The following SLC6A16 variants were observed in gnomAD, a reference collection of about 807,000 sequenced individuals.
SLC6A16 encodes orphan sodium- and chloride-dependent neurotransmitter transporter NTT5.
A neutral mutation model predicts 65.4 loss-of-function variants in SLC6A16; 54 were observed. The ratio of observed to expected loss-of-function variants is 0.83; its 90% CI spans 0.66 to 1.04. The LOEUF is 1.04. Ranked by LOEUF, SLC6A16 falls within the 50% of genes least tolerant of loss-of-function variation. The pLI, the probability that SLC6A16 is intolerant of heterozygous loss-of-function variation, is 0.00. For missense variants in SLC6A16, 816 were observed against 914.0 expected, an observed-to-expected ratio of 0.89 and a Z score of 1.38; for synonymous variants, 330 against 346.5, an observed-to-expected ratio of 0.95 and a Z score of 0.53.
chr19:49,313,085 A>AAAAAAAAAAAAAAAAAAAAAAAAAAC lies in SLC6A16; in HGVS notation c.-64-1675_-64-1674insGTTTTTTTTTTTTTTTTTTTTTTTTT, dbSNP rs1970554051. Reference sequence around the variant, plus strand: ...GCAACCCTGTCTCAAAAAAAAAAAAAAAAAAAAAAAGACGATGATGGCTAC... The same window carrying AAAAAAAAAAAAAAAAAAAAAAAAAAC: ...GCAACCCTGTCTCAAAAAAAAAAAAAAAAAAAAAAAAAAAAAAAAAAAAAACAAAAAAAAAAGACGATGATGGCTAC... On this transcript the variant is annotated intron_variant, in intron 1 of 11. Coordinates refer to ENST00000335875, the MANE Select transcript of SLC6A16 (RefSeq NM_014037.3). Among the ~76,000 whole-genome samples, 2 of 151,708 alleles carry AAAAAAAAAAAAAAAAAAAAAAAAAAC rather than the reference A, an allele frequency of 1.3e-5. 1 individual carries two copies. The highest frequency in any genetic ancestry group is 4.8e-5 in the African/African-American group (2 of 41,250).
At chr19:49,338,048 G>T in the SLC6A16 span, 2 of 1,611,676 alleles carry the variant, frequency 1.2e-6, no homozygotes, top group Non-Finnish European at 1.7e-6. This position sits in a 1 kb window ranked among gnomAD's most constrained non-coding sequence, Gnocchi z 5.0. Flanking sequence ...CCCTCCTCCA[G>T]TTCCCTCCCG....
rs1218233200 is a variant in SLC6A16, at chr19:49,311,091, T to C, written c.257A>G (p.His86Arg). Residue 86 changes from histidine to arginine, a missense_variant, in exon 2 of 12, where the codon CAT becomes CGT. Transcript: ENST00000335875. Reference sequence around the variant, plus strand: ...CTTCTCTGTCATCTGCACCTTCTCATGCGTGGGTTTCTGGTTCAGGGCTGA... The same window carrying C: ...CTTCTCTGTCATCTGCACCTTCTCACGCGTGGGTTTCTGGTTCAGGGCTGA... ...TASALNQKPT[H>R]EKVQMTEKKE... The C allele has an allele frequency of 5.6e-6, 9 of 1,614,086 alleles. No individual in the cohort carries two copies. Among genetic ancestry groups the C allele is most frequent in the Admixed American group, 5.0e-5 (3 of 60,002 alleles).
At chr19:49,339,877 G>A in the SLC6A16 span, 2 of 1,342,780 alleles carry the variant, frequency 1.5e-6, no homozygotes, top group African/African-American at 1.5e-5. The surrounding 1 kb of genome is among the most constrained non-coding windows in gnomAD (Gnocchi z 4.5). Flanking sequence ...CATGGCCCTG[G>A]GGCTCTGGCC....
At chr19:49,300,866 A>G (rs1299357484) in intron 7 of SLC6A16, among the ~76,000 whole-genome samples, 1 of 152,124 alleles carries the variant, frequency 6.6e-6, no homozygotes, top group Non-Finnish European at 1.5e-5. Context: ...AGCCTGGCCA[A>G]CGTGGGGAAA....
chr19:49,297,397 A>C (rs1407673823), intron 7 of SLC6A16, among the ~76,000 whole-genome samples: 1 of 152,228 alleles, frequency 6.6e-6, no homozygotes, highest in Non-Finnish European at 1.5e-5. Flanking sequence ...CATCTGCCAG[A>C]ATGGTTAAAA....
At chr19:49,308,799 CAGCACCTTTAAGGTTAGG>C (rs1970445636) in intron 7 of SLC6A16, 59 bp downstream of exon 7, 21 of 1,570,402 alleles carry the variant, frequency 1.3e-5, no homozygotes, top group Admixed American at 3.5e-5. Flanking sequence ...TGGGTCTTTG[CAGCACCTTTAAGGTTAGG>C]GTCTCAGGGT....
At chr19:49,331,200 C>T in the SLC6A16 span, among the ~76,000 whole-genome samples, 53 of 151,972 alleles carry the variant, frequency 3.5e-4, no homozygotes, top group African/African-American at 1.3e-3. Context: ...TTTTTTTCCC[C>T]TGTAGGGTCT....
chr19:49,325,844 TAAAATAACTATAATTTCTACTCCAA>T (rs1299698802), upstream of SLC6A16, among the ~76,000 whole-genome samples: 3 of 152,180 alleles, frequency 2.0e-5, no homozygotes, highest in Non-Finnish European at 4.4e-5. Context: ...CATTTTTATT[TAAAATAACTATAATTTCTACTCCAA>T]AAGAAATTTT....
chr19:49,320,423 A>C (rs1195003465), intron 1 of SLC6A16, among the ~76,000 whole-genome samples: 3 of 129,042 alleles, frequency 2.3e-5, no homozygotes, highest in African/African-American at 8.9e-5. Context: ...AAACAAACAA[A>C]CAAACAAAAA....
At chr19:49,338,671 G>T in the SLC6A16 span, 1 of 1,525,134 alleles carries the variant, frequency 6.6e-7, no homozygotes, top group East Asian at 2.3e-5. The surrounding 1 kb of genome is among the most constrained non-coding windows in gnomAD (Gnocchi z 5.0). Context: ...CTCCAGTCCC[G>T]GTCCCTCTGA....
upstream of SLC6A16, among the ~76,000 whole-genome samples, chr19:49,328,336 A>C (rs1970818023): frequency 6.6e-6 from 1 of 152,168 alleles, no homozygotes; most frequent in Admixed American, 6.5e-5. Context: ...ACTCACTATC[A>C]CAAAAACAGC....
intron 2 of SLC6A16, among the ~76,000 whole-genome samples, 174 bp downstream of exon 2, chr19:49,310,759 C>A (rs1970503450): frequency 6.6e-6 from 1 of 152,244 alleles, no homozygotes; most frequent in Admixed American, 6.5e-5. Context: ...TCCCCATGTT[C>A]AGATACCCTG....
At chr19:49,317,441 G>T (rs536074460) in intron 1 of SLC6A16, among the ~76,000 whole-genome samples, 14 of 151,948 alleles carry the variant, frequency 9.2e-5, no homozygotes, top group Non-Finnish European at 1.8e-4. Flanking sequence ...TAAAAATGGG[G>T]AGAAGAAATT....
intron 1 of SLC6A16, among the ~76,000 whole-genome samples, chr19:49,320,196 G>A (rs1229531694): frequency 6.6e-6 from 1 of 152,004 alleles, no homozygotes; most frequent in South Asian, 2.1e-4. Flanking sequence ...ATCATTTGAG[G>A]TCAGGAGTTC....
chr19:49,322,557 C>G (rs1403918207), intron 1 of SLC6A16, among the ~76,000 whole-genome samples: 2 of 149,848 alleles, frequency 1.3e-5, no homozygotes, highest in African/African-American at 4.9e-5. Context: ...TCACTTGAAC[C>G]TGGGAGGCAG....
At chr19:49,337,718 C>T in the SLC6A16 span, 2 of 1,534,192 alleles carry the variant, frequency 1.3e-6, no homozygotes, top group East Asian at 4.9e-5. Context: ...AAGAAATAGA[C>T]GCCCTGAAAG....
At chr19:49,338,243 T>C in the SLC6A16 span, 8 of 1,387,356 alleles carry the variant, frequency 5.8e-6, no homozygotes, top group Non-Finnish European at 7.5e-6. The surrounding 1 kb of genome is among the most constrained non-coding windows in gnomAD (Gnocchi z 5.0). Context: ...GGCTTCGCCA[T>C]CTACCTCGAG....
the SLC6A16 span, chr19:49,336,819 G>T: frequency 2.1e-6 from 3 of 1,425,650 alleles, no homozygotes; most frequent in African/African-American, 2.8e-5. Flanking sequence ...CCAAGATACT[G>T]CTCCCCACTT....
upstream of SLC6A16, among the ~76,000 whole-genome samples, chr19:49,329,359 T>C (rs1017516457): frequency 6.6e-6 from 1 of 152,084 alleles, no homozygotes; most frequent in Non-Finnish European, 1.5e-5. Flanking sequence ...AGTGCTGGGA[T>C]TACAGTGAGC....
Sources: allele counts gnomAD v4.1 joint callset (sites outside exome capture counted in the v4.1 genomes callset), GRCh38; gene constraint gnomAD v4.1.1; non-coding constraint Gnocchi (gnomAD v3.1); transcripts MANE v1.5; gene names NCBI Gene and HGNC (gene_info 2026-07-23, HGNC 2026-07-21).